GMDS: variants seen among roughly 807,000 people sequenced by gnomAD.
GMDS encodes GDP-mannose 4,6-dehydratase.
Under a neutral mutation model 49.9 loss-of-function variants are expected in GMDS, and 20 were observed. The ratio of observed to expected loss-of-function variants is 0.40; its 90% CI spans 0.28 to 0.58. GMDS has a LOEUF of 0.58. Ranked by LOEUF, GMDS falls within the 20% of genes least tolerant of loss-of-function variation. GMDS has a pLI of 0.42. For missense variants in GMDS, 362 were observed against 481.4 expected, an observed-to-expected ratio of 0.75 and a Z score of 2.32; for synonymous variants, 177 against 178.6, an observed-to-expected ratio of 0.99 and a Z score of 0.07.
chr6:2,222,046 A>G (rs1282782385), intron 1 of GMDS, among the ~76,000 whole-genome samples: 2 of 152,248 alleles, frequency 1.3e-5, no homozygotes, highest in Non-Finnish European at 2.9e-5. Flanking sequence ...CAAAATAATG[A>G]AAAGCAACAA....
intron 9 of GMDS, among the ~76,000 whole-genome samples, chr6:1,664,350 C>A (rs1764173551): frequency 6.6e-6 from 1 of 152,200 alleles, no homozygotes; most frequent in East Asian, 1.9e-4. Context: ...CTCTCACCTG[C>A]CCACCCCCTG....
intron 7 of GMDS, among the ~76,000 whole-genome samples, chr6:1,813,701 C>G (rs974753171): frequency 6.6e-6 from 1 of 152,122 alleles, no homozygotes; most frequent in Non-Finnish European, 1.5e-5. Context: ...AGGGTAGGAG[C>G]GATCCACTGA....
At chr6:2,139,461 T>TCGGGTA (rs1176444817) in intron 1 of GMDS, among the ~76,000 whole-genome samples, 1 of 152,214 alleles carries the variant, frequency 6.6e-6, no homozygotes, top group Non-Finnish European at 1.5e-5. Flanking sequence ...ATCCAGTTCC[T>TCGGGTA]CGGGTACGCT....
chr6:2,172,782 A>C (rs1778083739), intron 1 of GMDS, among the ~76,000 whole-genome samples: 1 of 152,232 alleles, frequency 6.6e-6, no homozygotes, highest in Non-Finnish European at 1.5e-5. Flanking sequence ...ACATTAGAAG[A>C]GCACACACCT....
At chr6:2,141,379 T>C (rs948573815) in intron 1 of GMDS, among the ~76,000 whole-genome samples, 2 of 152,226 alleles carry the variant, frequency 1.3e-5, no homozygotes, top group African/African-American at 2.4e-5. Flanking sequence ...CAGGCCTGTT[T>C]ATCATACGCA....
At chr6:2,160,153 T>C (rs565468360) in intron 1 of GMDS, among the ~76,000 whole-genome samples, 1 of 152,198 alleles carries the variant, frequency 6.6e-6, no homozygotes, top group Non-Finnish European at 1.5e-5. Context: ...AAAGTAGTAC[T>C]ATATTTTCCA....
intron 7 of GMDS, among the ~76,000 whole-genome samples, chr6:1,814,407 C>T (rs1402301272): frequency 6.6e-6 from 1 of 151,834 alleles, no homozygotes; most frequent in African/African-American, 2.4e-5. Flanking sequence ...ATGTTTTCAA[C>T]ACTATTACTC....
chr6:2,118,898 C>T (rs1294105048), intron 2 of GMDS, among the ~76,000 whole-genome samples: 1 of 152,150 alleles, frequency 6.6e-6, no homozygotes, highest in African/African-American at 2.4e-5. Flanking sequence ...ATCTGTTCTA[C>T]TTCATGATCT....
intron 4 of GMDS, among the ~76,000 whole-genome samples, chr6:2,063,560 A>C (rs1005491220): frequency 1.3e-5 from 2 of 152,234 alleles, no homozygotes; most frequent in Non-Finnish European, 2.9e-5. Context: ...AACTATAATA[A>C]ATGTTAATAT....
intron 9 of GMDS, among the ~76,000 whole-genome samples, chr6:1,662,766 A>G (rs927891314): frequency 6.6e-6 from 1 of 152,200 alleles, no homozygotes; most frequent in Non-Finnish European, 1.5e-5. Flanking sequence ...TATTTGACAG[A>G]AACACAAATT....
intron 7 of GMDS, among the ~76,000 whole-genome samples, chr6:1,785,639 C>T (rs1769286852): frequency 6.6e-6 from 1 of 152,240 alleles, no homozygotes; most frequent in Non-Finnish European, 1.5e-5. Context: ...CCACGACCTG[C>T]CTCAGCACCA....
chr6:1,654,583 ATGGTGGT>A (rs1763813223), intron 9 of GMDS, among the ~76,000 whole-genome samples: 2 of 152,196 alleles, frequency 1.3e-5, no homozygotes. Context: ...GATGGAAAAA[ATGGTGGT>A]TGCCAGAGCT....
chr6:2,136,947 T>C (rs961064331), intron 1 of GMDS, among the ~76,000 whole-genome samples: 1 of 151,832 alleles, frequency 6.6e-6, no homozygotes, highest in Non-Finnish European at 1.5e-5. Context: ...GATTTGACTT[T>C]GAAGTATAAG....
At chr6:1,754,372 C>T (rs954667301) in intron 7 of GMDS, among the ~76,000 whole-genome samples, 29 of 152,180 alleles carry the variant, frequency 1.9e-4, no homozygotes, top group African/African-American at 7.0e-4. Flanking sequence ...ATAACAAGTT[C>T]TGAAATTGAG....
chr6:2,067,485 T>A (rs1355655247), intron 4 of GMDS, among the ~76,000 whole-genome samples: 1 of 152,030 alleles, frequency 6.6e-6, no homozygotes, highest in Non-Finnish European at 1.5e-5. Flanking sequence ...AGCTGCTTTT[T>A]TGAAAGGATC....
chr6:1,720,541 T>C (rs1385905469), intron 9 of GMDS, among the ~76,000 whole-genome samples: 1 of 152,140 alleles, frequency 6.6e-6, no homozygotes, highest in Non-Finnish European at 1.5e-5. Context: ...AGAGAATAAT[T>C]ACAAAAGAGG....
chr6:2,213,249 C>T (rs1780156222), intron 1 of GMDS, among the ~76,000 whole-genome samples: 1 of 152,146 alleles, frequency 6.6e-6, no homozygotes. Context: ...AGCAAGGAAT[C>T]CCTTGATTTA....
At chr6:1,978,537 G>T (rs973279578) in intron 4 of GMDS, among the ~76,000 whole-genome samples, 2 of 152,150 alleles carry the variant, frequency 1.3e-5, no homozygotes, top group Non-Finnish European at 2.9e-5. Context: ...CTCCTTGTGG[G>T]GCGGGTCCTC....
intron 1 of GMDS, among the ~76,000 whole-genome samples, chr6:2,140,873 A>G (rs2127527822): frequency 6.6e-6 from 1 of 152,306 alleles, no homozygotes; most frequent in Non-Finnish European, 1.5e-5. Context: ...TTGCTTTGGA[A>G]GATAAAACAT....
Sources: gnomAD v4.1 joint callset for allele counts (sites outside exome capture counted in the v4.1 genomes callset) on GRCh38, gnomAD v4.1.1 for gene constraint, MANE v1.5 for transcripts, NCBI Gene and HGNC (gene_info 2026-07-23, HGNC 2026-07-21) for gene names.